RBFOX1: variants seen among roughly 807,000 people sequenced by gnomAD.
The protein encoded by RBFOX1 is RNA binding protein fox-1 homolog 1.
RBFOX1 carries 8 observed loss-of-function variants against 57.7 expected under a neutral mutation model. The ratio of observed to expected loss-of-function variants is 0.14; its 90% confidence interval spans 0.08 to 0.25. The LOEUF is 0.25. Ranked by LOEUF, RBFOX1 falls within the 10% of genes least tolerant of loss-of-function variation. The pLI is 1.00. For synonymous variants in RBFOX1, 326 were observed against 222.4 expected (o/e 1.47, Z -4.15); for missense variants, 611 against 548.5 (o/e 1.11, Z -1.14).
At chr16:6,768,848 C>A (rs1449033080) in intron 3 of RBFOX1, among the ~76,000 whole-genome samples, 2 of 151,764 alleles carry the variant, frequency 1.3e-5, no homozygotes, top group East Asian at 3.9e-4. Flanking sequence ...TCTGCCTCAG[C>A]CTCCCGAGTA....
In RBFOX1 at chr16:5,730,603, C is replaced by G. The variant is rs549484603; in HGVS notation, c.318+131642C>G. Among the ~76,000 whole-genome samples the G allele has an allele frequency of 1.4e-4, 21 of 152,240 alleles. No homozygotes were observed. In the South Asian group the frequency reaches 2.1e-3, roughly 15 times the overall value. The stretch of plus-strand genomic sequence containing the variant: ...TTACCATCATCATCACCAACATCAC[C>G]ACTGCCGTTGTCACCACTGTCACCA... On this transcript the variant is annotated intron_variant, in intron 3 of 19. Transcript: ENST00000641259.
At chr16:7,239,358 G>C (rs367888593) in intron 4 of RBFOX1, among the ~76,000 whole-genome samples, 1 of 152,224 alleles carries the variant, frequency 6.6e-6, no homozygotes, top group African/African-American at 2.4e-5. Flanking sequence ...AATTAGCCAG[G>C]CGTGGTGGTG....
chr16:6,979,588 T>A (rs1298821808), intron 3 of RBFOX1, among the ~76,000 whole-genome samples: 2 of 152,208 alleles, frequency 1.3e-5, no homozygotes, highest in Non-Finnish European at 2.9e-5. Context: ...TGCAGCACAG[T>A]ACAGGGGTGT....
At chr16:5,455,528 G>C (rs1176398835) in intron 1 of RBFOX1, among the ~76,000 whole-genome samples, 1 of 152,144 alleles carries the variant, frequency 6.6e-6, no homozygotes, top group African/African-American at 2.4e-5. Context: ...GAATATTTGA[G>C]ATTCTTTCTT....
chr16:5,780,304 A>G (rs2054285252), intron 3 of RBFOX1, among the ~76,000 whole-genome samples: 1 of 152,164 alleles, frequency 6.6e-6, no homozygotes, highest in Non-Finnish European at 1.5e-5. Flanking sequence ...ACCCAGCCTT[A>G]TTATTTTTTA....
intron 4 of RBFOX1, among the ~76,000 whole-genome samples, chr16:7,202,857 A>C (rs762922327): frequency 3.3e-5 from 5 of 152,130 alleles, no homozygotes; most frequent in Non-Finnish European, 7.4e-5. Context: ...TGGTGCCAAA[A>C]AGGTTGGGGT....
At chr16:6,074,811 C>A (rs1197720934) in intron 1 of RBFOX1, among the ~76,000 whole-genome samples, 1 of 152,080 alleles carries the variant, frequency 6.6e-6, no homozygotes, top group African/African-American at 2.4e-5. Flanking sequence ...TCAGATGAGT[C>A]TGAAATATGC....
At chr16:6,819,486 C>A (rs1161779971) in intron 3 of RBFOX1, among the ~76,000 whole-genome samples, 2 of 151,992 alleles carry the variant, frequency 1.3e-5, no homozygotes, top group Non-Finnish European at 2.9e-5. Flanking sequence ...GGCGGATCAC[C>A]TGAGGTCGGG....
At chr16:6,146,258 A>G (rs1161999286) in intron 1 of RBFOX1, among the ~76,000 whole-genome samples, 2 of 152,216 alleles carry the variant, frequency 1.3e-5, no homozygotes, top group East Asian at 1.9e-4. Context: ...CTCACAGCAG[A>G]TAGGAATCCA....
At chr16:5,614,441 G>T (rs973276604) in intron 3 of RBFOX1, among the ~76,000 whole-genome samples, 6 of 152,086 alleles carry the variant, frequency 3.9e-5, no homozygotes, top group African/African-American at 1.4e-4. Flanking sequence ...GCACAGAGTC[G>T]TTCCAATGTG....
chr16:6,967,319 A>G (rs1051058012), intron 3 of RBFOX1, among the ~76,000 whole-genome samples: 1 of 152,094 alleles, frequency 6.6e-6, no homozygotes, highest in African/African-American at 2.4e-5. Context: ...ATCTGTCTAT[A>G]CATCCATCCA....
chr16:6,388,425 G>A (rs978623743), intron 2 of RBFOX1, among the ~76,000 whole-genome samples: 3 of 151,846 alleles, frequency 2.0e-5, no homozygotes, highest in Non-Finnish European at 4.4e-5. Flanking sequence ...AGGTTCAATG[G>A]CACCATTTAA....
intron 4 of RBFOX1, among the ~76,000 whole-genome samples, chr16:5,941,504 A>T (rs190973365): frequency 1.3e-5 from 2 of 151,954 alleles, no homozygotes; most frequent in Non-Finnish European, 2.9e-5. Flanking sequence ...AAAAAAAAAA[A>T]GGTAAAAGAG....
chr16:6,776,508 A>G (rs2079384921), intron 3 of RBFOX1, among the ~76,000 whole-genome samples: 1 of 152,224 alleles, frequency 6.6e-6, no homozygotes. Flanking sequence ...ATTAAAACAC[A>G]TAGAAGAGGA....
intron 3 of RBFOX1, among the ~76,000 whole-genome samples, chr16:6,664,130 C>G (rs2098717867): frequency 1.3e-5 from 2 of 152,164 alleles, no homozygotes; most frequent in African/African-American, 4.8e-5. Flanking sequence ...TATGACCTTT[C>G]AGACTTCTGT....
intron 10 of RBFOX1, among the ~76,000 whole-genome samples, chr16:7,623,745 G>A (rs1362234927): frequency 6.6e-6 from 1 of 152,154 alleles, no homozygotes; most frequent in African/African-American, 2.4e-5. Context: ...GGAAGTCTGA[G>A]ATCATGGTGT....
At position 7,651,621 on chromosome 16, in the gene RBFOX1, A is replaced by C. The variant is rs375180185; in HGVS notation, c.758-2194A>C. ...TTCTACTCCTGAAGCTGATAGCGGGAAGGGAAGAAGCTCTTCTTGGCAGTT... is the reference window on the plus strand; with the variant it reads ...TTCTACTCCTGAAGCTGATAGCGGGCAGGGAAGAAGCTCTTCTTGGCAGTT... On this transcript the variant is annotated intron_variant, in intron 11 of 15. Transcript: ENST00000550418. 2.6e-5 allele frequency among the ~76,000 whole-genome samples: 4 copies of C among 152,318 alleles called. No individual in the cohort carries two copies. In the South Asian group the frequency reaches 8.3e-4, roughly 32 times the overall value.
chr16:7,491,484 C>G (rs570994282), intron 4 of RBFOX1, among the ~76,000 whole-genome samples: 2 of 151,604 alleles, frequency 1.3e-5, no homozygotes, highest in African/African-American at 4.8e-5. Flanking sequence ...GATGTGATCC[C>G]TCTGATTTTC....
At chr16:5,920,294 T>C (rs1434637299) in intron 4 of RBFOX1, among the ~76,000 whole-genome samples, 1 of 152,142 alleles carries the variant, frequency 6.6e-6, no homozygotes, top group Non-Finnish European at 1.5e-5. Context: ...TATTCCTTTT[T>C]ATTGTACATT....
Sources: allele counts gnomAD v4.1 joint callset (sites outside exome capture counted in the v4.1 genomes callset), GRCh38; gene constraint gnomAD v4.1.1; transcripts MANE v1.5; gene names NCBI Gene and HGNC (gene_info 2026-07-23, HGNC 2026-07-21).